Variants in LRRK2 observed in about 807,000 individuals in gnomAD.
LRRK2 encodes the protein leucine rich repeat kinase 2.
In LRRK2, 203 loss-of-function variants were observed where a neutral mutation model predicts 302.6. The observed-to-expected ratio is 0.67, with a 90% CI of 0.60 to 0.75. The LOEUF is 0.75. LRRK2 is among the 30% of genes least tolerant of loss of function. The pLI, the probability that LRRK2 is intolerant of heterozygous loss-of-function variation, is 0.00. For synonymous variants in LRRK2, 1,066 were observed against 1,031.9 expected, an observed-to-expected ratio of 1.03 and a Z score of -0.63; for missense variants, 2,830 against 2,951.0, an observed-to-expected ratio of 0.96 and a Z score of 0.95.
chr12:40,264,546 G>A (rs1271672727), intron 14 of LRRK2, among the ~76,000 whole-genome samples: 2 of 152,228 alleles, frequency 1.3e-5, no homozygotes, highest in Non-Finnish European at 2.9e-5. Context: ...TTGAACCCAG[G>A]AGGCAGAGGT....
Position 40,308,476 on chromosome 12 carries a change from A to G in LRRK2, c.3969A>G (p.Gln1323=), listed in dbSNP as rs372245035. The G allele has an allele frequency of 8.0e-5, 129 of 1,613,282 alleles. No homozygotes were observed. The highest frequency in any genetic ancestry group is 1.0e-4 in the Non-Finnish European group (119 of 1,179,722). Residue 1323 remains glutamine, a synonymous_variant, in exon 29 of 51, where the codon CAA becomes CAG. Coordinates refer to ENST00000298910, the MANE Select transcript of LRRK2 (RefSeq NM_198578.4). ...ATCTTTCAAATACTAGGTTTCTTCA[A>G]CAGCGATTAAAAAAGGCTGTGCCTT... The part of the protein sequence containing the change: ...CKAKDIIRFL[Q]QRLKKAVPYN...
At chr12:40,251,210 A>G (rs772913128) in intron 8 of LRRK2, 22 bp from the exon 9 acceptor site, 4 of 1,433,364 alleles carry the variant, frequency 2.8e-6, no homozygotes, top group African/African-American at 1.4e-5. Flanking sequence ...ATGTTTTTAT[A>G]TATTTTTCAA....
intron 39 of LRRK2, among the ~76,000 whole-genome samples, chr12:40,329,511 G>T (rs1945649211): frequency 6.6e-6 from 1 of 152,004 alleles, no homozygotes; most frequent in Admixed American, 6.6e-5. Context: ...GTTTGGTTCT[G>T]AGAACAAAAC....
At chr12:40,346,945 A>G (rs746494192) in intron 42 of LRRK2, 22 bp downstream of exon 42, 7 of 1,592,986 alleles carry the variant, frequency 4.4e-6, no homozygotes, top group African/African-American at 1.4e-5. Flanking sequence ...TTTCTCTACA[A>G]TGAAGATTTT....
At chr12:40,237,456 A>G (rs1195679135) in intron 4 of LRRK2, among the ~76,000 whole-genome samples, 2 of 152,190 alleles carry the variant, frequency 1.3e-5, no homozygotes, top group African/African-American at 4.8e-5. Context: ...GGAATCTTCA[A>G]GATGTGTAGG....
Position 40,265,732 on chromosome 12 carries a change from C to G in LRRK2, c.1656+1831C>G, listed in dbSNP as rs11175784. Among the ~76,000 whole-genome samples, 8 of 152,000 alleles carry G rather than the reference C, an allele frequency of 5.3e-5. No individual in the cohort carries two copies. The South Asian group carries it at 1.5e-3, about 28-fold the overall frequency. On this transcript the variant is annotated intron_variant, in intron 14 of 50. Coordinates refer to ENST00000298910, the MANE Select transcript of LRRK2 (RefSeq NM_198578.4). ...AAAATCAAAATGTGCATGCTCCCCA[C>G]GCTACCTGACTTCAAACTATACTAC...
At chr12:40,361,381 A>G (rs1393732994) in intron 47 of LRRK2, among the ~76,000 whole-genome samples, 2 of 152,140 alleles carry the variant, frequency 1.3e-5, no homozygotes, top group Non-Finnish European at 2.9e-5. Flanking sequence ...TTCCAGGAAT[A>G]CATGTGCAGG....
chr12:40,292,072 C>T (rs572642147), intron 20 of LRRK2, among the ~76,000 whole-genome samples: 5 of 152,092 alleles, frequency 3.3e-5, no homozygotes, highest in Non-Finnish European at 7.4e-5. Flanking sequence ...GCACTTTTTC[C>T]ATAACTGCCC....
intron 38 of LRRK2, among the ~76,000 whole-genome samples, chr12:40,326,997 C>T (rs1009516671): frequency 4.6e-5 from 7 of 152,120 alleles, no homozygotes; most frequent in Non-Finnish European, 1.0e-4. Context: ...TAGGTAGAGG[C>T]TTTCCATAGA....
chr12:40,252,818 A>G (rs1220800506), intron 10 of LRRK2, 92 bp from the exon 11 acceptor site: 7 of 826,720 alleles, frequency 8.5e-6, no homozygotes, highest in Non-Finnish European at 1.4e-5. Flanking sequence ...TATGCTCTTA[A>G]TTGTTGTTAG....
chr12:40,265,218 A>G (rs1942956066), intron 14 of LRRK2, among the ~76,000 whole-genome samples: 1 of 152,192 alleles, frequency 6.6e-6, no homozygotes, highest in Admixed American at 6.5e-5. Context: ...GAAAATAAGT[A>G]TATGGAAGGA....
In LRRK2 at chr12:40,263,067, T is replaced by C. The variant is rs576678306; in HGVS notation, c.1544-722T>C. 3.1e-4 allele frequency among the ~76,000 whole-genome samples: 47 copies of C among 152,344 alleles called. No individual in the cohort carries two copies. The Middle Eastern group carries it at 0.01, about 33-fold the overall frequency. ...AAAGCCTGTTGTAGCCAGCTTACAGTTTGCATTAATGCAGATTATTAAAGT... is the reference window on the plus strand; with the variant it reads ...AAAGCCTGTTGTAGCCAGCTTACAGCTTGCATTAATGCAGATTATTAAAGT... On this transcript the variant is annotated intron_variant, in intron 13 of 50. Coordinates refer to ENST00000298910, the MANE Select transcript of LRRK2 (RefSeq NM_198578.4).
rs1491548610 is a variant in LRRK2, at chr12:40,368,689, CCT to C, written c.*925_*926del. On this transcript the variant is annotated 3_prime_UTR_variant, in exon 51 of 51. Transcript: ENST00000298910. ...AGATCCTACATCATTCAGATAGAAACCTTTTTTTTTTTCAGAATTATAGAATT... is the reference window on the plus strand; with the variant it reads ...AGATCCTACATCATTCAGATAGAAACTTTTTTTTTTCAGAATTATAGAATT... The C allele has an allele frequency of 1.5e-5, 2 of 130,554 alleles. No homozygotes were observed. The highest frequency in any genetic ancestry group is 6.0e-5 in the African/African-American group (2 of 33,318). The allele number at this position is 130,554 out of a possible 1,614,324, so 8.1% of individuals were successfully genotyped here.
At chr12:40,311,739 C>T (rs955778828) in intron 31 of LRRK2, among the ~76,000 whole-genome samples, 1 of 152,096 alleles carries the variant, frequency 6.6e-6, no homozygotes, top group East Asian at 1.9e-4. Flanking sequence ...ATGGCTTTTG[C>T]GGTGCCCAGG....
In LRRK2 at chr12:40,287,667, A is replaced by C. The variant is rs1038168544; in HGVS notation, c.2689+128A>C. 4.4e-6 allele frequency: 4 copies of C among 913,858 alleles called. No homozygotes were observed. In the African/African-American group the frequency reaches 6.7e-5, roughly 15 times the overall value. 56.6% of individuals were successfully genotyped at this position (913,858 alleles called of 1,614,324 possible). ...TGAGTAGAAATGTGTTTATTATCGC[A>C]AACAGTTAAGTTTACTAATTTTGGT... On this transcript the variant is annotated intron_variant, in intron 20 of 50. Transcript: ENST00000298910.
Position 40,328,559 on chromosome 12 carries a change from C to G in LRRK2, c.5757+99C>G, listed in dbSNP as rs190096273. 95 of 878,014 alleles carry G rather than the reference C, an allele frequency of 1.1e-4. No homozygotes were observed. The Admixed American group carries it at 1.2e-3, about 11-fold the overall frequency. The allele number at this position is 878,014 out of a possible 1,614,324, so 54.4% of individuals were successfully genotyped here. On this transcript the variant is annotated intron_variant, in intron 39 of 50. Coordinates refer to ENST00000298910, the MANE Select transcript of LRRK2 (RefSeq NM_198578.4). ...TTGTGAAAATGCAAAATAATGACCACATTTCTACTTAAGTTTAATTATGCA... is the reference window on the plus strand; with the variant it reads ...TTGTGAAAATGCAAAATAATGACCAGATTTCTACTTAAGTTTAATTATGCA...
At chr12:40,233,124 C>G (rs1941280242) in intron 3 of LRRK2, among the ~76,000 whole-genome samples, 1 of 152,048 alleles carries the variant, frequency 6.6e-6, no homozygotes, top group Admixed American at 6.6e-5. Context: ...TCACTTGAAC[C>G]TGGGAGGCGG....
At chr12:40,255,420 GA>G (rs1011545799) in intron 11 of LRRK2, among the ~76,000 whole-genome samples, 45 of 152,270 alleles carry the variant, frequency 3.0e-4, no homozygotes, top group African/African-American at 1.1e-3. Flanking sequence ...GTATTACGTA[GA>G]TAGCTGGTAA....
intron 35 of LRRK2, among the ~76,000 whole-genome samples, chr12:40,321,507 A>AC (rs1332151618): frequency 9.9e-6 from 1 of 100,672 alleles, no homozygotes; most frequent in Non-Finnish European, 2.1e-5. Context: ...TAAGACATTT[A>AC]CAAAAAAAGA....
Sources: allele counts gnomAD v4.1 joint callset (sites outside exome capture counted in the v4.1 genomes callset), GRCh38; gene constraint gnomAD v4.1.1; transcripts MANE v1.5; gene names NCBI Gene and HGNC (gene_info 2026-07-23, HGNC 2026-07-21).